MTBP: variants seen among roughly 807,000 people sequenced by gnomAD.
The protein encoded by MTBP is MDM2 binding protein, also known as mdm2-binding protein.
A neutral mutation model predicts 117.0 loss-of-function variants in MTBP; 101 were observed. The ratio of observed to expected loss-of-function variants is 0.86; its 90% CI spans 0.73 to 1.02. The LOEUF (loss-of-function observed/expected upper bound fraction) is 1.02, where lower values mean the gene tolerates loss of function less well. MTBP is among the 50% of genes least tolerant of loss of function. The probability of loss-of-function intolerance (pLI) is 0.00; values close to 1 mark genes in which losing one functional copy is unlikely to be tolerated. For missense variants in MTBP, 970 were observed against 1,030.9 expected, an observed-to-expected ratio of 0.94 and a Z score of 0.81; for synonymous variants, 350 against 351.5, an observed-to-expected ratio of 1.00 and a Z score of 0.05.
At chr8:120,515,852 T>C (rs1814906183) in intron 17 of MTBP, 73 bp from the exon 18 acceptor site, 2 of 1,358,008 alleles carry the variant, frequency 1.5e-6, no homozygotes, top group African/African-American at 1.5e-5. Flanking sequence ...TGTCCTGCTA[T>C]TTTCTCATTG....
At chr8:120,478,004 A>G (rs1229937495) in intron 11 of MTBP, among the ~76,000 whole-genome samples, 1 of 152,258 alleles carries the variant, frequency 6.6e-6, no homozygotes, top group Non-Finnish European at 1.5e-5. Context: ...GAACCAACTC[A>G]AATGCCCATC....
At chr8:120,446,701 A>G (rs188070673) in intron 2 of MTBP, among the ~76,000 whole-genome samples, 188 bp downstream of exon 2, 4 of 152,316 alleles carry the variant, frequency 2.6e-5, no homozygotes, top group Non-Finnish European at 5.9e-5. Flanking sequence ...GCTTGAATAT[A>G]GTAAAGTTAT....
chr8:120,519,456 C>A (rs2130623789), intron 20 of MTBP, among the ~76,000 whole-genome samples: 1 of 152,140 alleles, frequency 6.6e-6, no homozygotes, highest in African/African-American at 2.4e-5. Flanking sequence ...AGACATTGGA[C>A]AGGTCAGTCA....
intron 20 of MTBP, among the ~76,000 whole-genome samples, chr8:120,520,232 G>T (rs573328445): frequency 6.6e-6 from 1 of 151,934 alleles, no homozygotes; most frequent in Non-Finnish European, 1.5e-5. Flanking sequence ...GAAGATAATC[G>T]CATCCATAAA....
At chr8:120,462,532 AT>A (rs961351455) in intron 9 of MTBP, among the ~76,000 whole-genome samples, 4 of 152,124 alleles carry the variant, frequency 2.6e-5, no homozygotes, top group African/African-American at 7.2e-5. Flanking sequence ...AGTTTAAAAA[AT>A]TTTTTATCCA....
intron 16 of MTBP, among the ~76,000 whole-genome samples, chr8:120,507,158 G>A (rs1402785858): frequency 1.3e-5 from 2 of 152,016 alleles, no homozygotes; most frequent in African/African-American, 2.4e-5. Flanking sequence ...AAAAAAAATA[G>A]GAATTTGACT....
intron 11 of MTBP, chr8:120,473,084 C>T (rs1196183416): frequency 2.0e-5 from 3 of 152,154 alleles, no homozygotes; most frequent in African/African-American, 7.2e-5. Flanking sequence ...ATAACTTCTG[C>T]ACATCCTCCT....
intron 15 of MTBP, among the ~76,000 whole-genome samples, chr8:120,505,443 C>T (rs947202294): frequency 6.6e-6 from 1 of 151,896 alleles, no homozygotes; most frequent in East Asian, 1.9e-4. Context: ...GTATGAAGTC[C>T]GGAGAGAATT....
At chr8:120,516,415 G>A (rs565408684) in intron 18 of MTBP, among the ~76,000 whole-genome samples, 369 of 152,052 alleles carry the variant, frequency 2.4e-3, no homozygotes, top group African/African-American at 8.4e-3. Context: ...TAGCACAATG[G>A]ATTGTAAAGT....
intron 12 of MTBP, among the ~76,000 whole-genome samples, chr8:120,489,970 A>G (rs1814309683): frequency 6.6e-6 from 1 of 152,228 alleles, no homozygotes; most frequent in Non-Finnish European, 1.5e-5. Flanking sequence ...TTTCCAGTGC[A>G]TTCTGCAGTT....
At chr8:120,522,596 AGTT>A in intron 20 of MTBP, 55 bp from the exon 21 acceptor site, 1 of 1,108,414 alleles carries the variant, frequency 9.0e-7, no homozygotes, top group South Asian at 1.4e-5. Flanking sequence ...AATAATAATG[AGTT>A]GTTCTTTGTA....
chr8:120,504,106 G>A (rs1814644881), intron 15 of MTBP, among the ~76,000 whole-genome samples: 1 of 152,140 alleles, frequency 6.6e-6, no homozygotes, highest in African/African-American at 2.4e-5. Flanking sequence ...GATGGTTGAT[G>A]AGTTACATGG....
At chr8:120,508,262 A>G (rs1308590669) in intron 16 of MTBP, among the ~76,000 whole-genome samples, 1 of 152,196 alleles carries the variant, frequency 6.6e-6, no homozygotes, top group Non-Finnish European at 1.5e-5. Context: ...CTATGTATAT[A>G]CCAAGGAAAT....
At chr8:120,508,653 C>T (rs1216758914) in intron 16 of MTBP, among the ~76,000 whole-genome samples, 1 of 152,112 alleles carries the variant, frequency 6.6e-6, no homozygotes, top group Non-Finnish European at 1.5e-5. Flanking sequence ...TTTTCATTAC[C>T]AATGCCATAG....
At chr8:120,447,978 G>T (rs1813263129) in intron 2 of MTBP, among the ~76,000 whole-genome samples, 1 of 151,488 alleles carries the variant, frequency 6.6e-6, no homozygotes, top group Non-Finnish European at 1.5e-5. Context: ...TCAGGCTGGA[G>T]TCCAGTGGCT....
intron 12 of MTBP, among the ~76,000 whole-genome samples, chr8:120,488,940 A>G (rs1345283867): frequency 1.3e-5 from 2 of 151,700 alleles, no homozygotes; most frequent in Admixed American, 1.3e-4. Flanking sequence ...TGCCTGGGCT[A>G]GGATGACTGG....
At chr8:120,522,575 CAA>C (rs1180307434) in intron 20 of MTBP, 77 bp from the exon 21 acceptor site, 17 of 950,310 alleles carry the variant, frequency 1.8e-5, no homozygotes, top group South Asian at 4.8e-5. Context: ...AGAATAATCT[CAA>C]GTGTATTTAA....
intron 10 of MTBP, among the ~76,000 whole-genome samples, chr8:120,468,576 G>C (rs1369463147): frequency 6.6e-6 from 1 of 152,176 alleles, no homozygotes. Flanking sequence ...GAATATGATG[G>C]ATGAGGCAAA....
chr8:120,484,350 T>C (rs1182653760), intron 11 of MTBP, among the ~76,000 whole-genome samples: 1 of 152,138 alleles, frequency 6.6e-6, no homozygotes, highest in Non-Finnish European at 1.5e-5. Flanking sequence ...ACTCTAGCTA[T>C]CTAATTGTAA....
Sources: gnomAD v4.1 joint callset for allele counts (sites outside exome capture counted in the v4.1 genomes callset) on GRCh38, gnomAD v4.1.1 for gene constraint, MANE v1.5 for transcripts, NCBI Gene and HGNC (gene_info 2026-07-23, HGNC 2026-07-21) for gene names.